DNAAF9: variants seen among roughly 807,000 people sequenced by gnomAD.
The protein encoded by DNAAF9 is shulin.
In DNAAF9, 90 loss-of-function variants were observed where a neutral mutation model predicts 167.0. The ratio of observed to expected loss-of-function variants is 0.54; its 90% CI spans 0.45 to 0.64. DNAAF9 has a LOEUF of 0.64. DNAAF9 is among the 30% of genes least tolerant of loss of function. The pLI is 0.00. For missense variants in DNAAF9, 1,315 were observed against 1,442.2 expected, an observed-to-expected ratio of 0.91 and a Z score of 1.43; for synonymous variants, 491 against 508.8, an observed-to-expected ratio of 0.96 and a Z score of 0.47.
chr20:3,381,391 C>G lies in DNAAF9; in HGVS notation c.271G>C (p.Glu91Gln). The change falls in exon 3 of 37, where the codon GAA (glutamate) becomes CAA (glutamine). Residue 91 changes from glutamate to glutamine, a missense_variant. Around this residue, in one of 2 missense-constraint regions of DNAAF9, gnomAD observed 981 missense variants for 1,012.5 expected, o/e 0.97. Transcript: ENST00000252032. ...AATATATACTTACCATCTAGTACTTCTTCAGAAAATCCCGTTTTCTCAAAA... is the reference window on the plus strand; with the variant it reads ...AATATATACTTACCATCTAGTACTTGTTCAGAAAATCCCGTTTTCTCAAAA... ...SDFEKTGFSE[E>Q]VLDDVIILIK... is the part of the protein sequence containing the mutation. 6.2e-7 allele frequency: 1 copy of G among 1,609,982 alleles called. No individual in the cohort carries two copies. Among genetic ancestry groups the G allele is most frequent in the Middle Eastern group, 1.7e-4 (1 of 6,056 alleles).
At chr20:3,306,074 C>T (rs919235753) in intron 20 of DNAAF9, among the ~76,000 whole-genome samples, 3 of 152,164 alleles carry the variant, frequency 2.0e-5, no homozygotes, top group Non-Finnish European at 4.4e-5. Flanking sequence ...CTCACACCTA[C>T]TGCCCTCCTG....
intron 1 of DNAAF9, among the ~76,000 whole-genome samples, chr20:3,384,874 T>C (rs1284258643): frequency 2.6e-5 from 4 of 152,010 alleles, no homozygotes; most frequent in Non-Finnish European, 5.9e-5. Context: ...AAAAAACTGA[T>C]GCAGAAAAAT....
At chr20:3,292,067 T>C (rs2041697938) in intron 25 of DNAAF9, among the ~76,000 whole-genome samples, 1 of 151,838 alleles carries the variant, frequency 6.6e-6, no homozygotes, top group Non-Finnish European at 1.5e-5. Context: ...GGTGCGATCT[T>C]GGCTTACTAC....
intron 29 of DNAAF9, among the ~76,000 whole-genome samples, chr20:3,274,783 T>C (rs532874737): frequency 1.3e-5 from 2 of 152,178 alleles, no homozygotes; most frequent in African/African-American, 4.8e-5. Flanking sequence ...TCCCTGTACA[T>C]AGAGGGGCCT....
At chr20:3,264,096 CG>C (rs2068442361) in intron 31 of DNAAF9, among the ~76,000 whole-genome samples, 1 of 152,206 alleles carries the variant, frequency 6.6e-6, no homozygotes. Flanking sequence ...TTGTCAGAAG[CG>C]AGTCTCACCT....
intron 10 of DNAAF9, among the ~76,000 whole-genome samples, chr20:3,338,124 C>T (rs3966780): frequency 6.0e-5 from 9 of 150,440 alleles, no homozygotes; most frequent in Non-Finnish European, 1.0e-4. Context: ...ACATAAAGAA[C>T]ACTTAACATT....
At chr20:3,379,975 G>A (rs1262812915) in intron 3 of DNAAF9, among the ~76,000 whole-genome samples, 5 of 152,106 alleles carry the variant, frequency 3.3e-5, no homozygotes, top group African/African-American at 7.2e-5. Flanking sequence ...GAGGAATCTC[G>A]AACCCAGGAG....
intron 22 of DNAAF9, among the ~76,000 whole-genome samples, chr20:3,297,202 C>T (rs1332049733): frequency 1.3e-5 from 2 of 152,092 alleles, no homozygotes; most frequent in South Asian, 2.1e-4. Context: ...AGAAAGGGGT[C>T]GGGTAACACT....
chr20:3,269,774 G>A (rs1218757337), intron 30 of DNAAF9, among the ~76,000 whole-genome samples: 3 of 152,106 alleles, frequency 2.0e-5, no homozygotes, highest in African/African-American at 4.8e-5. Flanking sequence ...CTAACATGGT[G>A]AAACCCCGTC....
rs780491927 is a variant in DNAAF9, at chr20:3,330,729, A to C, written c.1064-47T>G. On this transcript the variant is annotated intron_variant, in intron 11 of 36. Coordinates refer to ENST00000252032, the MANE Select transcript of DNAAF9 (RefSeq NM_001009984.3). ...AATGTGACAAGAGCACAGGATATGC[A>C]AACACTTAACAAGGAAGCTAGAAAT... is the stretch of plus-strand genomic sequence containing the variant. 1.6e-5 allele frequency: 19 copies of C among 1,209,966 alleles called. No homozygotes were observed. The East Asian group carries it at 4.3e-4, about 27-fold the overall frequency. 75.0% of individuals were successfully genotyped at this position (1,209,966 alleles called of 1,614,324 possible).
intron 3 of DNAAF9, among the ~76,000 whole-genome samples, chr20:3,379,463 G>A (rs1029364814): frequency 4.6e-5 from 7 of 151,818 alleles, no homozygotes; most frequent in Non-Finnish European, 1.0e-4. Context: ...GCATGGTGGC[G>A]GGTGCCTGTA....
chr20:3,368,859 T>G (rs1446654951), intron 6 of DNAAF9, among the ~76,000 whole-genome samples: 2 of 138,110 alleles, frequency 1.4e-5, no homozygotes, highest in East Asian at 4.9e-4. Context: ...CCAGGCTGGG[T>G]GCAGGTGGCT....
intron 27 of DNAAF9, 47 bp from the exon 28 acceptor site, chr20:3,281,813 A>G: frequency 1.3e-6 from 2 of 1,576,420 alleles, no homozygotes; most frequent in Non-Finnish European, 1.7e-6. Flanking sequence ...CTGGCATTGC[A>G]AAGTGGAGGA....
intron 6 of DNAAF9, among the ~76,000 whole-genome samples, chr20:3,365,457 T>C (rs954584614): frequency 2.0e-5 from 3 of 152,126 alleles, no homozygotes; most frequent in Non-Finnish European, 2.9e-5. Context: ...AGTGGCGTGA[T>C]CTCAGCTCAC....
chr20:3,278,253 A>C (rs1048069381), intron 29 of DNAAF9, among the ~76,000 whole-genome samples: 2 of 152,076 alleles, frequency 1.3e-5, no homozygotes. Context: ...GGAGGTATTA[A>C]GAAAGACAGG....
At chr20:3,310,380 A>G (rs918657621) in intron 20 of DNAAF9, among the ~76,000 whole-genome samples, 1 of 151,270 alleles carries the variant, frequency 6.6e-6, no homozygotes. Context: ...AAAGAAAGAA[A>G]GAAAGAAAGA....
At chr20:3,342,807 G>C (rs1017124694) in intron 9 of DNAAF9, among the ~76,000 whole-genome samples, 3 of 152,250 alleles carry the variant, frequency 2.0e-5, no homozygotes, top group Admixed American at 6.5e-5. Flanking sequence ...ATCCATCAGA[G>C]GAAGTATCTC....
intron 30 of DNAAF9, among the ~76,000 whole-genome samples, chr20:3,265,307 G>A (rs991182433): frequency 1.3e-5 from 2 of 152,106 alleles, no homozygotes; most frequent in African/African-American, 4.8e-5. Context: ...GCTCATGTCT[G>A]TAATCCCAGC....
chr20:3,329,184 T>C (rs926201587), intron 12 of DNAAF9, among the ~76,000 whole-genome samples: 3 of 151,376 alleles, frequency 2.0e-5, no homozygotes, highest in African/African-American at 4.9e-5. Flanking sequence ...ACGCACATTT[T>C]TGAGACAGGA....
Sources: allele counts gnomAD v4.1 joint callset (sites outside exome capture counted in the v4.1 genomes callset), GRCh38; gene constraint gnomAD v4.1.1; regional missense constraint gnomAD v4.1.1; transcripts MANE v1.5; gene names NCBI Gene and HGNC (gene_info 2026-07-23, HGNC 2026-07-21).